FLT1: variants seen among roughly 807,000 people sequenced by gnomAD.
FLT1 encodes vascular endothelial growth factor receptor 1.
In FLT1, 49 loss-of-function variants were observed where a neutral mutation model predicts 156.3. The observed-to-expected ratio is 0.31, with a 90% CI of 0.25 to 0.40. The LOEUF (loss-of-function observed/expected upper bound fraction) is 0.40, where lower values mean the gene tolerates loss of function less well. Among genes scored for constraint, FLT1 ranks in the 10% least tolerant of loss-of-function variants. The probability of loss-of-function intolerance (pLI) is 1.00; values close to 1 mark genes in which losing one functional copy is unlikely to be tolerated. For missense variants in FLT1, 1,322 were observed against 1,637.2 expected (o/e 0.81, Z 3.32); for synonymous variants, 594 against 583.8 (o/e 1.02, Z -0.25).
intron 1 of FLT1, among the ~76,000 whole-genome samples, chr13:28,474,311 C>T (rs963961917): frequency 5.3e-5 from 8 of 152,018 alleles, no homozygotes; most frequent in African/African-American, 1.9e-4. Flanking sequence ...CAAAAATTAG[C>T]CAGGTGTGGT....
chr13:28,344,785 G>GC (rs1266486015), intron 16 of FLT1, among the ~76,000 whole-genome samples: 4 of 143,034 alleles, frequency 2.8e-5, no homozygotes, highest in African/African-American at 1.0e-4. Flanking sequence ...CAAAGGTGGG[G>GC]CCTTTACTTT....
intron 13 of FLT1, chr13:28,385,866 C>G: frequency 1.9e-6 from 2 of 1,047,964 alleles, no homozygotes; most frequent in Non-Finnish European, 2.3e-6. Flanking sequence ...CAGTATATCT[C>G]TAATGAAGTA....
At chr13:28,332,460 A>T (rs1477454932) in intron 18 of FLT1, among the ~76,000 whole-genome samples, 1 of 152,118 alleles carries the variant, frequency 6.6e-6, no homozygotes, top group Non-Finnish European at 1.5e-5. Flanking sequence ...CTGAGGAAAC[A>T]GTTGCTTCCA....
intron 16 of FLT1, among the ~76,000 whole-genome samples, chr13:28,341,626 G>C (rs752950463): frequency 6.6e-6 from 1 of 152,188 alleles, no homozygotes; most frequent in African/African-American, 2.4e-5. Context: ...TATGCAGGGT[G>C]AGGATAAAAT....
intron 3 of FLT1, among the ~76,000 whole-genome samples, chr13:28,443,181 G>A (rs773393662): frequency 6.6e-6 from 1 of 152,198 alleles, no homozygotes; most frequent in Non-Finnish European, 1.5e-5. Flanking sequence ...CATAGAATAT[G>A]AGGTTTTCTC....
At chr13:28,419,511 C>T (rs1182934490) in intron 10 of FLT1, among the ~76,000 whole-genome samples, 1 of 152,206 alleles carries the variant, frequency 6.6e-6, no homozygotes, top group Non-Finnish European at 1.5e-5. Context: ...CTTAAGGAAT[C>T]TTCACAAATT....
rs184846703 is a variant in FLT1 at position 28,325,543 on chromosome 13, G to A, written c.2796+1919C>T. On this transcript the variant is annotated intron_variant, in intron 20 of 29. Coordinates refer to ENST00000282397, the MANE Select transcript of FLT1 (RefSeq NM_002019.4). The stretch of plus-strand genomic sequence containing the variant: ...AGATTCTAATTATTAGGCCGGGCAC[G>A]GTGGCTCACACCTGTAATCCCAGCA... Among the ~76,000 whole-genome samples the A allele has an allele frequency of 3.1e-3, 471 of 152,202 alleles. 14 individuals carry two copies. The highest frequency in any genetic ancestry group is 5.6e-4 in the Non-Finnish European group (38 of 68,024).
At chr13:28,354,711 G>C (rs1042437685) in intron 15 of FLT1, among the ~76,000 whole-genome samples, 1 of 151,928 alleles carries the variant, frequency 6.6e-6, no homozygotes, top group African/African-American at 2.4e-5. Context: ...TTATAAAAGA[G>C]AGCAAAGGAG....
chr13:28,329,758 G>A (rs374074932), intron 18 of FLT1, 30 bp from the exon 19 acceptor site: 11 of 1,566,416 alleles, frequency 7.0e-6, no homozygotes, highest in African/African-American at 1.3e-5. Context: ...GAGTCAGGGC[G>A]ACAGGACAAT....
intron 11 of FLT1, among the ~76,000 whole-genome samples, chr13:28,403,036 G>A (rs532585179): frequency 6.6e-6 from 1 of 152,292 alleles, no homozygotes; most frequent in South Asian, 2.1e-4. Context: ...CGCCACTTTG[G>A]TAGGTGATCG....
At chr13:28,442,701 T>TACACACACAC (rs111263665) in intron 3 of FLT1, among the ~76,000 whole-genome samples, 3,370 of 146,960 alleles carry the variant, frequency 0.023, 130 homozygotes, top group African/African-American at 0.08. Flanking sequence ...TGACTGTAGA[T>TACACACACAC]ACACACACAC....
intron 13 of FLT1, chr13:28,386,662 A>G: frequency 1.9e-6 from 2 of 1,057,224 alleles, no homozygotes; most frequent in Non-Finnish European, 2.3e-6. Flanking sequence ...TTGAAAATGC[A>G]GTCCTGTTTA....
chr13:28,396,662 C>T (rs1419059379), intron 12 of FLT1: 2 of 485,706 alleles, frequency 4.1e-6, no homozygotes, highest in African/African-American at 3.9e-5. Flanking sequence ...TGTACCAGAC[C>T]CTGTGCTAGG....
chr13:28,481,442 TAC>T (rs397687323), intron 1 of FLT1, among the ~76,000 whole-genome samples: 10,901 of 142,264 alleles, frequency 0.077, 383 homozygotes, highest in Admixed American at 0.11. Flanking sequence ...CCTCCGCTTA[TAC>T]ACACACACAC....
At chr13:28,488,986 G>A (rs614820) in intron 1 of FLT1, among the ~76,000 whole-genome samples, 92,470 of 152,012 alleles carry the variant, frequency 0.61, 28,411 homozygotes, top group Admixed American at 0.67. Flanking sequence ...AAAAGGCTGA[G>A]GTGCTTAGCA....
At chr13:28,427,993 G>A in intron 8 of FLT1, 72 bp from the exon 9 acceptor site, 2 of 1,350,658 alleles carry the variant, frequency 1.5e-6, no homozygotes, top group East Asian at 4.6e-5. Context: ...CACGGTCATT[G>A]AAGTTTTTGA....
At chr13:28,340,777 T>C (rs1161374549) in intron 16 of FLT1, among the ~76,000 whole-genome samples, 1 of 152,148 alleles carries the variant, frequency 6.6e-6, no homozygotes, top group Admixed American at 6.5e-5. Context: ...AAATTATCAC[T>C]AAAATGTGTG....
chr13:28,344,945 G>A (rs1566296272), intron 16 of FLT1, among the ~76,000 whole-genome samples: 1 of 151,648 alleles, frequency 6.6e-6, no homozygotes, highest in Non-Finnish European at 1.5e-5. Flanking sequence ...GGGACTACAG[G>A]TGTGCACCAC....
chr13:28,421,544 T>C (rs1877002991), intron 10 of FLT1, among the ~76,000 whole-genome samples: 1 of 146,892 alleles, frequency 6.8e-6, no homozygotes, highest in African/African-American at 2.5e-5. Flanking sequence ...CTTTTTTTTT[T>C]CCTTACTGGG....
Sources: gnomAD v4.1 joint callset for allele counts (sites outside exome capture counted in the v4.1 genomes callset) on GRCh38, gnomAD v4.1.1 for gene constraint, MANE v1.5 for transcripts, NCBI Gene and HGNC (gene_info 2026-07-23, HGNC 2026-07-21) for gene names.